The following ACE variants were observed in gnomAD, a reference collection of about 807,000 sequenced individuals.
The protein encoded by ACE is angiotensin I converting enzyme.
Under a neutral mutation model 162.3 loss-of-function variants are expected in ACE, and 122 were observed. That is an observed-to-expected ratio of 0.75 (90% CI 0.65 to 0.87). The LOEUF (loss-of-function observed/expected upper bound fraction) is 0.87. Ranked by LOEUF, ACE falls within the 40% of genes least tolerant of loss-of-function variation. The probability of loss-of-function intolerance (pLI) is 0.00; values close to 1 mark genes in which losing one functional copy is unlikely to be tolerated. For missense variants in ACE, 1,799 were observed against 1,735.1 expected (o/e 1.04, Z -0.65); for synonymous variants, 796 against 720.6 (o/e 1.10, Z -1.68).
rs771285769 is a variant in ACE at position 63,496,515 on chromosome 17, G to A, written c.3502G>A (p.Ala1168Thr). 1.2e-6 allele frequency: 2 copies of A among 1,613,946 alleles called. No homozygotes were observed. The highest frequency in any genetic ancestry group is 1.1e-5 in the South Asian group (1 of 91,068). ...YQSKEAGQRL[A>T]TAMKLGFSRP... is the part of the protein sequence containing the mutation. ...GTCCAAGGAGGCCGGGCAGCGCCTG[G>A]CGTGAGTGTCCTCCAGCCCTCCTTT... Residue 1168 changes from alanine (A) to threonine (T), a missense_variant and splice_region_variant, in exon 23 of 25, where the codon GCG becomes ACG. Transcript: ENST00000290866.
In ACE at chr17:63,486,591, TGAAGTACGGCACCCAGGCCAG is replaced by T; in HGVS notation, c.2099_2119del (p.Tyr700_Lys706del). 2 of 1,614,188 alleles carry T rather than the reference TGAAGTACGGCACCCAGGCCAG, an allele frequency of 1.2e-6. No homozygotes were observed. Among genetic ancestry groups the T allele is most frequent in the Non-Finnish European group, 1.7e-6 (2 of 1,180,046 alleles). Reference sequence around the variant, plus strand: ...AACATGCAAATAGCCAACCACACCCTGAAGTACGGCACCCAGGCCAGGAAGTTTGATGTGAACCAGTTGCAG... The same window carrying T: ...AACATGCAAATAGCCAACCACACCCTGAAGTTTGATGTGAACCAGTTGCAG... On this transcript the variant is annotated inframe_deletion, in exon 14 of 25. Transcript: ENST00000290866.
Position 63,480,518 on chromosome 17 carries a change from T to C in ACE, c.837T>C (p.Ala279=). ...TCAACCTCAGGGGACCCATCCCTGC[T>C]CATCTGCTGGGTAAGGACCTGGCCT... The part of the protein sequence containing the change: ...RYINLRGPIP[A]HLLGDMWAQS... Residue 279 remains alanine (A), a synonymous_variant, in exon 5 of 25, where the codon GCT becomes GCC. Coordinates refer to ENST00000290866, the MANE Select transcript of ACE (RefSeq NM_000789.4). The C allele has an allele frequency of 6.2e-7, 1 of 1,613,754 alleles. No homozygotes were observed. The highest frequency in any genetic ancestry group is 1.3e-5 in the African/African-American group (1 of 75,008).
In ACE at chr17:63,477,191, G is replaced by GGC; in HGVS notation, c.98_99insCG (p.Leu34GlyfsTer112). The GGC allele has an allele frequency of 6.8e-7, 1 of 1,479,666 alleles. No homozygotes were observed. The highest frequency in any genetic ancestry group is 1.3e-5 in the South Asian group (1 of 79,010). 91.7% of individuals were successfully genotyped at this position (1,479,666 alleles called of 1,614,324 possible). On this transcript the variant is annotated frameshift_variant, in exon 1 of 25. Coordinates refer to ENST00000290866, the MANE Select transcript of ACE (RefSeq NM_000789.4). LOFTEE classifies it high-confidence loss of function. The stretch of plus-strand genomic sequence containing the variant: ...GCAGCCCGCCCTGGCGTTGGACCCC[G>GGC]GGCTGCAGCCCGGCAACTTTTCTGC...
In ACE at chr17:63,493,600, T is replaced by C. The variant is rs1372691116; in HGVS notation, c.3077T>C (p.Val1026Ala). ...EAIGDVLALS[V>A]STPKHLHSLN... ...ATTGGGGACGTGCTAGCCCTCTCAG[T>C]GTCTACGCCCAAGCACCTGCACAGT... Residue 1026 changes from valine to alanine, a missense_variant, in exon 20 of 25, where the codon GTG (valine) becomes GCG (alanine). Transcript: ENST00000290866. The C allele has an allele frequency of 6.2e-7, 1 of 1,614,124 alleles. No homozygotes were observed.
chr17:63,479,128 C>T lies in ACE; in HGVS notation c.511+28C>T, dbSNP rs535038789. ...ACGGCCCTTGCAGCTCCCCTCTCGG[C>T]GGTGCCCTAGTGTTCCCACATTGCC... On this transcript the variant is annotated intron_variant, in intron 3 of 24. Coordinates refer to ENST00000290866, the MANE Select transcript of ACE (RefSeq NM_000789.4). 66 of 1,566,144 alleles carry T rather than the reference C, an allele frequency of 4.2e-5. 1 individual carries two copies. Among genetic ancestry groups the T allele is most frequent in the South Asian group, 1.5e-4 (13 of 87,292 alleles).
intron 19 of ACE, among the ~76,000 whole-genome samples, chr17:63,493,136 GC>G (rs1163038721): frequency 6.6e-6 from 1 of 152,222 alleles, no homozygotes; most frequent in Admixed American, 6.5e-5. Flanking sequence ...ATGTCCCAGT[GC>G]CTCTAGAGCA....
chr17:63,481,887 G>T, intron 7 of ACE, 149 bp downstream of exon 7: 1 of 986,514 alleles, frequency 1.0e-6, no homozygotes, highest in Non-Finnish European at 1.5e-6. Flanking sequence ...CCAGGGCTAG[G>T]GGGTATAGGA....
At chr17:63,496,222 C>A in intron 22 of ACE, 172 bp from the exon 23 acceptor site, 2 of 906,884 alleles carry the variant, frequency 2.2e-6, no homozygotes, top group South Asian at 1.5e-5. Flanking sequence ...ATGCTAAGAG[C>A]TGGGGTGGGG....
intron 3 of ACE, among the ~76,000 whole-genome samples, chr17:63,479,436 C>G (rs564428719): frequency 1.3e-5 from 2 of 152,282 alleles, no homozygotes; most frequent in East Asian, 3.9e-4. Context: ...GTGGCTTCCC[C>G]TTAAACCCCG....
In ACE at chr17:63,488,724, G is replaced by A. The variant is rs61738817; in HGVS notation, c.2382G>A (p.Ala794=). The A allele has an allele frequency of 1.3e-3, 2,090 of 1,613,724 alleles. 28 individuals are homozygous for A. In the African/African-American group the frequency reaches 0.022, roughly 17 times the overall value. Residue 794 remains alanine, a synonymous_variant, in exon 16 of 25, where the codon GCG becomes GCA. Transcript: ENST00000290866. The part of the protein sequence containing the change: ...LWAWEGWRDK[A]GRAILQFYPK... Reference sequence around the variant, plus strand: ...CATGGGAGGGCTGGCGAGACAAGGCGGGGAGAGCCATCCTCCAGTTTTACC... The same window carrying A: ...CATGGGAGGGCTGGCGAGACAAGGCAGGGAGAGCCATCCTCCAGTTTTACC...
Position 63,491,938 on chromosome 17 carries a change from C to T in ACE, c.2912+557C>T, listed in dbSNP as rs570774885. ...AGTACACAGTGGAAATGGCCTTTCTCTACAGGGCCCCCTCTGTTGGGGGCA... is the reference window on the plus strand; with the variant it reads ...AGTACACAGTGGAAATGGCCTTTCTTTACAGGGCCCCCTCTGTTGGGGGCA... On this transcript the variant is annotated intron_variant, in intron 19 of 24. Coordinates refer to ENST00000290866, the MANE Select transcript of ACE (RefSeq NM_000789.4). This position sits in a 1 kb window ranked among gnomAD's most constrained non-coding sequence, Gnocchi z 4.4. 6.6e-6 allele frequency among the ~76,000 whole-genome samples: 1 copy of T among 152,360 alleles called. No homozygotes were observed. The highest frequency in any genetic ancestry group is 6.5e-5 in the Admixed American group (1 of 15,304).
rs748868465 is a variant in ACE at position 63,488,962 on chromosome 17, C to T, written c.2471C>T (p.Ser824Leu). 4 of 1,614,088 alleles carry T rather than the reference C, an allele frequency of 2.5e-6. No homozygotes were observed. The highest frequency in any genetic ancestry group is 1.7e-5 in the Admixed American group (1 of 60,022). ...GTAGGCTATGTAGATGCAGGGGACT[C>T]GTGGAGGTCTATGTACGAGACACCA... The part of the protein sequence containing the change: ...RLNGYVDAGD[S>L]WRSMYETPSL... The change falls in exon 17 of 25, where the codon TCG becomes TTG. Residue 824 changes from serine to leucine, a missense_variant. By Grantham distance (145) the Ser-to-Leu change is moderately radical. Transcript: ENST00000290866.
At chr17:63,494,268 C>T in intron 21 of ACE, 104 bp from the exon 22 acceptor site, 1 of 1,279,250 alleles carries the variant, frequency 7.8e-7, no homozygotes, top group Non-Finnish European at 1.1e-6. Flanking sequence ...GAATGGGGTG[C>T]CCAGTATAGC....
At position 63,481,648 on chromosome 17, in the gene ACE, G is replaced by A. The variant is rs200225958; in HGVS notation, c.1028G>A (p.Trp343Ter). The part of the protein sequence containing the change: ...LELSPMPPEF[W>*]EGSMLEKPAD... The stretch of plus-strand genomic sequence containing the variant: ...CTCTCCCCCATGCCTCCCGAGTTCT[G>A]GGAAGGGTCGATGCTGGAGAAGCCG... The change falls in exon 7 of 25, where the codon TGG (tryptophan) becomes TAG (stop). Residue 343 changes from tryptophan to a stop codon, truncating the protein, a stop_gained. Coordinates refer to ENST00000290866, the MANE Select transcript of ACE (RefSeq NM_000789.4). LOFTEE classifies it high-confidence loss of function. The A allele has an allele frequency of 3.7e-6, 6 of 1,614,138 alleles. No homozygotes were observed. In the East Asian group the frequency reaches 1.1e-4, roughly 30 times the overall value.
At chr17:63,478,629 C>T (rs572355460) in intron 2 of ACE, 14 of 368,416 alleles carry the variant, frequency 3.8e-5, no homozygotes, top group South Asian at 3.1e-4. Context: ...CACTACTGCA[C>T]CCCAGCCTGC....
Position 63,477,324 on chromosome 17 carries a change from C to G in ACE, c.230C>G (p.Ala77Gly), listed in dbSNP as rs1599136517. 2 of 1,370,216 alleles carry G rather than the reference C, an allele frequency of 1.5e-6. No homozygotes were observed. Among genetic ancestry groups the G allele is most frequent in the Non-Finnish European group, 1.9e-6 (2 of 1,049,586 alleles). 84.9% of individuals were successfully genotyped at this position (1,370,216 alleles called of 1,614,324 possible). Residue 77 changes from alanine to glycine, a missense_variant, in exon 1 of 25, where the codon GCG (alanine) becomes GGG (glycine). Physicochemically the swap from Ala to Gly is moderately conservative, Grantham distance 60. Coordinates refer to ENST00000290866, the MANE Select transcript of ACE (RefSeq NM_000789.4). Reference sequence around the variant, plus strand: ...TGGGCGCACGACACCAACATCACCGCGGAGAATGCAAGGCGCCAGGTGGGC... The same window carrying G: ...TGGGCGCACGACACCAACATCACCGGGGAGAATGCAAGGCGCCAGGTGGGC... ...ASWAHDTNIT[A>G]ENARRQEEAA...
rs776799364 is a variant in ACE at position 63,477,202 on chromosome 17, C to T, written c.108C>T (p.Pro36=). The change falls in exon 1 of 25, where the codon CCC becomes CCT. Residue 36 remains proline (P), a synonymous_variant. Coordinates refer to ENST00000290866, the MANE Select transcript of ACE (RefSeq NM_000789.4). ...PALALDPGLQ[P]GNFSADEAGA... is the part of the protein sequence containing the mutation. ...TGGCGTTGGACCCCGGGCTGCAGCC[C>T]GGCAACTTTTCTGCTGACGAGGCCG... The T allele has an allele frequency of 4.7e-6, 7 of 1,488,302 alleles. No homozygotes were observed. Among genetic ancestry groups the T allele is most frequent in the East Asian group, 5.8e-5 (2 of 34,446 alleles). 92.2% of individuals were successfully genotyped at this position (1,488,302 alleles called of 1,614,324 possible).
At chr17:63,493,871 G>T (rs1568046725) in intron 20 of ACE, 51 bp from the exon 21 acceptor site, 2 of 1,613,796 alleles carry the variant, frequency 1.2e-6, no homozygotes, top group Non-Finnish European at 8.5e-7. Context: ...GCACACCAGG[G>T]CCAAGCCGCT....
chr17:63,477,303 C>T lies in ACE; in HGVS notation c.209C>T (p.Ala70Val), dbSNP rs372565955. The T allele has an allele frequency of 2.4e-4, 347 of 1,435,126 alleles. 3 individuals carry two copies. The African/African-American group carries it at 4.6e-3, about 19-fold the overall frequency. The allele number at this position is 1,435,126 out of a possible 1,614,324, so 88.9% of individuals were successfully genotyped here. A position where few individuals can be genotyped will look rare whatever the true frequency, so the allele number is the denominator to read the frequency against. The change falls in exon 1 of 25, where the codon GCG (alanine) becomes GTG (valine). Residue 70 changes from alanine (A) to valine (V), a missense_variant. Coordinates refer to ENST00000290866, the MANE Select transcript of ACE (RefSeq NM_000789.4). ...VLFQSVAASW[A>V]HDTNITAENA... ...TTCCAGAGCGTGGCCGCCAGCTGGG[C>T]GCACGACACCAACATCACCGCGGAG...
Sources: gnomAD v4.1 joint callset for allele counts (sites outside exome capture counted in the v4.1 genomes callset) on GRCh38, gnomAD v4.1.1 for gene constraint, Gnocchi (gnomAD v3.1) non-coding constraint, MANE v1.5 for transcripts, NCBI Gene and HGNC (gene_info 2026-07-23, HGNC 2026-07-21) for gene names.